MYH14: variants seen among roughly 807,000 people sequenced by gnomAD.
MYH14 encodes the protein myosin heavy chain 14.
In MYH14, 123 loss-of-function variants were observed where a neutral mutation model predicts 255.5. The observed-to-expected ratio is 0.48, with a 90% confidence interval of 0.42 to 0.56. The LOEUF (loss-of-function observed/expected upper bound fraction) is 0.56, where lower values mean the gene tolerates loss of function less well. Among genes scored for constraint, MYH14 ranks in the 20% least tolerant of loss-of-function variants. The probability of loss-of-function intolerance (pLI) is 0.00; values close to 1 mark genes in which losing one functional copy is unlikely to be tolerated. For synonymous variants in MYH14, 1,095 were observed against 1,161.2 expected (o/e 0.94, Z 1.16); for missense variants, 2,423 against 2,802.3 (o/e 0.86, Z 3.06).
At chr19:50,268,856 C>T (rs796217647) in intron 24 of MYH14, among the ~76,000 whole-genome samples, 18 of 152,350 alleles carry the variant, frequency 1.2e-4, no homozygotes, top group African/African-American at 4.3e-4. Context: ...CAGTACTCCC[C>T]CTCTCTCCGT....
In MYH14 at chr19:50,276,263, CT is replaced by C; in HGVS notation, c.3680+62del. On this transcript the variant is annotated intron_variant, in intron 28 of 42. Transcript: ENST00000642316. The surrounding 1 kb of genome is among the most constrained non-coding windows in gnomAD (Gnocchi z 4.3). ...TGCACATACAGGGCTGGGGGAAGGA[CT>C]TAGGTACAAAGTCTCTGTCTATACA... 1 of 1,274,826 alleles carries C rather than the reference CT, an allele frequency of 7.8e-7. No homozygotes were observed. The highest frequency in any genetic ancestry group is 1.5e-5 in the African/African-American group (1 of 67,408). 79.0% of individuals were successfully genotyped at this position (1,274,826 alleles called of 1,614,324 possible).
intron 2 of MYH14, among the ~76,000 whole-genome samples, chr19:50,214,785 G>A (rs772578976): frequency 8.6e-5 from 13 of 151,952 alleles, no homozygotes; most frequent in African/African-American, 2.9e-4. Context: ...TGTCCCACCC[G>A]CCCCCGTCCA....
chr19:50,236,991 T>C (rs2033687241), intron 10 of MYH14, among the ~76,000 whole-genome samples: 1 of 152,162 alleles, frequency 6.6e-6, no homozygotes, highest in Non-Finnish European at 1.5e-5. Context: ...TCTTCTGCTT[T>C]CGGTCTCTAT....
rs727503225 is a variant in MYH14, at chr19:50,280,352, C to T, written c.4259C>T (p.Ala1420Val). 9.1e-5 allele frequency: 141 copies of T among 1,546,942 alleles called. No homozygotes were observed. Among genetic ancestry groups the T allele is most frequent in the Middle Eastern group, 4.4e-4 (2 of 4,524 alleles). The change falls in exon 32 of 43, where the codon GCG becomes GTG. Residue 1420 changes from alanine (A) to valine (V), a missense_variant. Coordinates refer to ENST00000642316, the MANE Select transcript of MYH14 (RefSeq NM_001145809.2). This position sits in a 1 kb window ranked among gnomAD's most constrained non-coding sequence, Gnocchi z 4.8. The part of the protein sequence containing the change: ...LEEEAAARER[A>V]GRELQTAQAQ... ...GAGGAGGCAGCTGCCAGGGAACGGG[C>T]GGGCCGTGAACTGCAGACTGCCCAG...
intron 40 of MYH14, among the ~76,000 whole-genome samples, chr19:50,304,853 G>A (rs2036604594): frequency 6.6e-6 from 1 of 152,192 alleles, no homozygotes; most frequent in Admixed American, 6.5e-5. Context: ...AGGCACTTGA[G>A]CTGGAGCTGA....
chr19:50,260,749 G>C, intron 20 of MYH14, 34 bp downstream of exon 20: 1 of 1,352,510 alleles, frequency 7.4e-7, no homozygotes, highest in Non-Finnish European at 1.0e-6. Flanking sequence ...GCGTGTGTGC[G>C]TGTGTGTGTG....
intron 2 of MYH14, among the ~76,000 whole-genome samples, chr19:50,215,104 C>A (rs73060995): frequency 6.6e-6 from 1 of 152,166 alleles, no homozygotes; most frequent in South Asian, 2.1e-4. Flanking sequence ...CTGTCTCCCA[C>A]CCTGTGGGGG....
rs544003605 is a variant in MYH14 at position 50,260,848 on chromosome 19, T to C, written c.2424+133T>C. On this transcript the variant is annotated intron_variant, in intron 20 of 42. Coordinates refer to ENST00000642316, the MANE Select transcript of MYH14 (RefSeq NM_001145809.2). Reference sequence around the variant, plus strand: ...GTGTGTGTGCATGCACGTGTGTGCGTGTGTGTGTGCATGCATATGTGTGCA... The same window carrying C: ...GTGTGTGTGCATGCACGTGTGTGCGCGTGTGTGTGCATGCATATGTGTGCA... The C allele has an allele frequency of 8.7e-4, 594 of 686,518 alleles. 9 individuals carry two copies. The African/African-American group carries it at 1.0e-2, about 12-fold the overall frequency. 42.5% of individuals were successfully genotyped at this position (686,518 alleles called of 1,614,324 possible).
At chr19:50,210,884 A>C in intron 2 of MYH14, 114 bp downstream of exon 2, 1 of 1,467,708 alleles carries the variant, frequency 6.8e-7, no homozygotes, top group South Asian at 1.4e-5. Flanking sequence ...TCTGTATCCC[A>C]TGTCCCGTGA....
At chr19:50,275,848 A>C in intron 27 of MYH14, 143 bp from the exon 28 acceptor site, 1 of 649,426 alleles carries the variant, frequency 1.5e-6, no homozygotes, top group African/African-American at 1.8e-5. Flanking sequence ...TTAGTACTGC[A>C]GCCAAGTGCC....
Position 50,266,923 on chromosome 19 carries a change from C to T in MYH14, c.2741C>T (p.Ala914Val), listed in dbSNP as rs2035102916. The change falls in exon 23 of 43, where the codon GCA (alanine) becomes GTA (valine). Residue 914 changes from alanine to valine, a missense_variant. By Grantham distance (64) the Ala-to-Val change is moderately conservative. Coordinates refer to ENST00000642316, the MANE Select transcript of MYH14 (RefSeq NM_001145809.2). This position sits in a 1 kb window ranked among gnomAD's most constrained non-coding sequence, Gnocchi z 4.1. ...QVTRQDEVLQ[A>V]RAQELQKVQE... ...ACGCGGCAGGATGAGGTGCTGCAGG[C>T]ACGGGCCCAGGAGCTGCAGAAAGTG... 1 of 1,552,970 alleles carries T rather than the reference C, an allele frequency of 6.4e-7. No homozygotes were observed. The highest frequency in any genetic ancestry group is 2.0e-5 in the Admixed American group (1 of 51,072).
At chr19:50,207,564 C>T (rs971328533) in intron 1 of MYH14, among the ~76,000 whole-genome samples, 3 of 152,034 alleles carry the variant, frequency 2.0e-5, no homozygotes, top group African/African-American at 7.3e-5. Context: ...GGTCCTCAGG[C>T]CCACTCGGGG....
At chr19:50,304,779 A>T (rs2036602565) in intron 40 of MYH14, among the ~76,000 whole-genome samples, 1 of 152,214 alleles carries the variant, frequency 6.6e-6, no homozygotes, top group Admixed American at 6.5e-5. Context: ...TTGAAGGGAC[A>T]CAGATGAAGA....
At chr19:50,271,772 C>G in intron 25 of MYH14, 77 bp from the exon 26 acceptor site, 1 of 1,588,716 alleles carries the variant, frequency 6.3e-7, no homozygotes, top group Non-Finnish European at 8.6e-7. Context: ...AGAACAACAC[C>G]AGAAGCTGCA....
intron 39 of MYH14, among the ~76,000 whole-genome samples, chr19:50,301,241 G>T (rs2036471350): frequency 6.6e-6 from 1 of 152,148 alleles, no homozygotes; most frequent in Non-Finnish European, 1.5e-5. Flanking sequence ...CTCCACTTTG[G>T]TATTGCTGAG....
intron 10 of MYH14, among the ~76,000 whole-genome samples, chr19:50,234,541 C>T (rs1295960444): frequency 6.6e-6 from 1 of 152,134 alleles, no homozygotes; most frequent in Non-Finnish European, 1.5e-5. Context: ...CTCTTGTGGC[C>T]TATTGACACA....
intron 11 of MYH14, among the ~76,000 whole-genome samples, chr19:50,245,662 C>T (rs2034083334): frequency 6.6e-6 from 1 of 152,024 alleles, no homozygotes; most frequent in East Asian, 1.9e-4. Context: ...TTATGAAATC[C>T]GATGGGCTCA....
At chr19:50,210,051 T>A (rs2032076108) in intron 1 of MYH14, among the ~76,000 whole-genome samples, 1 of 117,656 alleles carries the variant, frequency 8.5e-6, no homozygotes, top group African/African-American at 3.4e-5. Context: ...TGAGCTGAGA[T>A]CACGCCATTG....
At chr19:50,255,344 T>C in intron 17 of MYH14, 26 bp downstream of exon 17, 2 of 1,521,758 alleles carry the variant, frequency 1.3e-6, no homozygotes, top group Non-Finnish European at 1.8e-6. Flanking sequence ...CATCGATGGG[T>C]GAGGCTTGCT....
Sources: allele counts gnomAD v4.1 joint callset (sites outside exome capture counted in the v4.1 genomes callset), GRCh38; gene constraint gnomAD v4.1.1; non-coding constraint Gnocchi (gnomAD v3.1); transcripts MANE v1.5; gene names NCBI Gene and HGNC (gene_info 2026-07-23, HGNC 2026-07-21).